The following TDRP variants were observed in gnomAD, a reference collection of about 807,000 sequenced individuals.
The protein encoded by TDRP is testis development related protein.
In TDRP, 12 loss-of-function variants were observed where a neutral mutation model predicts 10.5. The ratio of observed to expected loss-of-function variants is 1.15; its 90% CI spans 0.73 to 1.86. TDRP has a LOEUF of 1.86. TDRP is among the 40% of genes most tolerant of loss of function. The probability of loss-of-function intolerance (pLI) is 0.00; values close to 1 mark genes in which losing one functional copy is unlikely to be tolerated. For synonymous variants in TDRP, 139 were observed against 95.4 expected, an observed-to-expected ratio of 1.46 and a Z score of -2.67; for missense variants, 353 against 229.2, an observed-to-expected ratio of 1.54 and a Z score of -3.49.
intron 1 of TDRP, among the ~76,000 whole-genome samples, chr8:533,591 C>G (rs770214560): frequency 5.9e-5 from 9 of 152,190 alleles, no homozygotes; most frequent in Non-Finnish European, 8.8e-5. Flanking sequence ...CCCCCAACCC[C>G]TCCTCCTTAA....
At chr8:498,641 G>A (rs985055587) in intron 1 of TDRP, among the ~76,000 whole-genome samples, 1 of 152,100 alleles carries the variant, frequency 6.6e-6, no homozygotes, top group African/African-American at 2.4e-5. Flanking sequence ...GGGGATTGTT[G>A]GGAAGGCATG....
In TDRP at chr8:492,166, C is replaced by T; in HGVS notation, c.*233G>A. On this transcript the variant is annotated 3_prime_UTR_variant, in exon 3 of 3. Coordinates refer to ENST00000324079, the MANE Select transcript of TDRP (RefSeq NM_001384899.1). ...ATCTCCAGTTTCTGCAAAACATGGA[C>T]TGATAGGTGAATATTTCTGCAATAA... 3 of 1,256,188 alleles carry T rather than the reference C, an allele frequency of 2.4e-6. No homozygotes were observed. Among genetic ancestry groups the T allele is most frequent in the Non-Finnish European group, 3.0e-6 (3 of 1,003,124 alleles). The allele number at this position is 1,256,188 out of a possible 1,614,324, so 77.8% of individuals were successfully genotyped here. A position where few individuals can be genotyped will look rare whatever the true frequency, so the allele number is the denominator to read the frequency against.
intron 1 of TDRP, among the ~76,000 whole-genome samples, chr8:506,319 G>T (rs188199422): frequency 8.5e-5 from 13 of 152,282 alleles, no homozygotes; most frequent in Admixed American, 1.3e-4. Flanking sequence ...TCGGCAGCGG[G>T]GGGAGGGGAG....
chr8:500,908 T>C (rs1181474477), intron 1 of TDRP, among the ~76,000 whole-genome samples: 1 of 152,172 alleles, frequency 6.6e-6, no homozygotes, highest in Non-Finnish European at 1.5e-5. Flanking sequence ...GCAAGAGGGT[T>C]AACAAGAACA....
upstream of TDRP, among the ~76,000 whole-genome samples, chr8:545,225 G>A (rs1291196170): frequency 3.3e-5 from 3 of 89,580 alleles, no homozygotes; most frequent in Non-Finnish European, 6.5e-5. Flanking sequence ...AGGCTACCCC[G>A]TCACCTGGTC....
At chr8:502,723 G>C in intron 1 of TDRP, among the ~76,000 whole-genome samples, 1 of 151,420 alleles carries the variant, frequency 6.6e-6, no homozygotes, top group Non-Finnish European at 1.5e-5. Context: ...CATCAACACA[G>C]AATCCAGAGC....
At chr8:514,026 C>A (rs1224573783) in intron 1 of TDRP, among the ~76,000 whole-genome samples, 1 of 145,088 alleles carries the variant, frequency 6.9e-6, no homozygotes, top group African/African-American at 2.5e-5. Context: ...ACTCCCCAAA[C>A]TGATCTACAC....
At chr8:501,883 TG>T (rs1215463814) in intron 1 of TDRP, among the ~76,000 whole-genome samples, 1 of 152,122 alleles carries the variant, frequency 6.6e-6, no homozygotes, top group Non-Finnish European at 1.5e-5. Context: ...GAGGGGAACA[TG>T]GAAGGAGCTG....
At chr8:532,236 T>C (rs1802222111) in intron 1 of TDRP, among the ~76,000 whole-genome samples, 1 of 152,184 alleles carries the variant, frequency 6.6e-6, no homozygotes, top group Non-Finnish European at 1.5e-5. Context: ...TCTGCTCACA[T>C]GTGGTGGCCA....
At chr8:508,984 A>G (rs1563121337) in intron 1 of TDRP, among the ~76,000 whole-genome samples, 1 of 152,232 alleles carries the variant, frequency 6.6e-6, no homozygotes, top group Non-Finnish European at 1.5e-5. Context: ...TGCAGGTCCA[A>G]AATCCAGTGA....
intron 1 of TDRP, among the ~76,000 whole-genome samples, chr8:495,379 G>C (rs1331185316): frequency 6.6e-6 from 1 of 152,212 alleles, no homozygotes; most frequent in Non-Finnish European, 1.5e-5. Context: ...CATCTCCATG[G>C]AGACAGTGAC....
chr8:513,468 A>T (rs1801670346), intron 1 of TDRP, among the ~76,000 whole-genome samples: 1 of 152,224 alleles, frequency 6.6e-6, no homozygotes, highest in Non-Finnish European at 1.5e-5. Flanking sequence ...TCATGATAAA[A>T]ACATTCAACA....
intron 1 of TDRP, among the ~76,000 whole-genome samples, chr8:510,407 G>C (rs887014129): frequency 6.6e-6 from 1 of 152,012 alleles, no homozygotes; most frequent in Non-Finnish European, 1.5e-5. Flanking sequence ...CTCTGTGCCA[G>C]GAACCACAGA....
At chr8:531,038 T>C (rs1238662302) in intron 1 of TDRP, among the ~76,000 whole-genome samples, 2 of 152,116 alleles carry the variant, frequency 1.3e-5, no homozygotes, top group East Asian at 3.9e-4. Flanking sequence ...CAGAAACCAG[T>C]CCATCAGGTG....
In TDRP at chr8:529,101, G is replaced by T. The variant is rs1802113806; in HGVS notation, c.108+15549C>A. ...TATCCTGGCTGTGCCAGCAGCTGATGAGATGATGCCCACTCAGATTGGCGG... is the reference window on the plus strand; with the variant it reads ...TATCCTGGCTGTGCCAGCAGCTGATTAGATGATGCCCACTCAGATTGGCGG... On this transcript the variant is annotated intron_variant, in intron 1 of 2. Transcript: ENST00000324079. Among the ~76,000 whole-genome samples the T allele has an allele frequency of 2.6e-5, 4 of 152,236 alleles. No homozygotes were observed. In the South Asian group the frequency reaches 8.3e-4, roughly 32 times the overall value.
intron 1 of TDRP, among the ~76,000 whole-genome samples, chr8:532,599 C>G (rs1049809413): frequency 6.6e-6 from 1 of 152,226 alleles, no homozygotes; most frequent in Non-Finnish European, 1.5e-5. Context: ...CAAATGCACA[C>G]TTGCTAATAC....
At chr8:526,630 T>A (rs1307888818) in intron 1 of TDRP, among the ~76,000 whole-genome samples, 1 of 152,206 alleles carries the variant, frequency 6.6e-6, no homozygotes, top group East Asian at 1.9e-4. Context: ...AATTTTTACA[T>A]CTATGTTCAT....
rs139740254 is a variant in TDRP at position 515,234 on chromosome 8, A to G, written c.109-20637T>C. ...TCATTCTCAGTGTCTTTTCTGCTCT[A>G]TCTTTTCTATGACTTTGTAACTGCT... On this transcript the variant is annotated intron_variant, in intron 1 of 2. Coordinates refer to ENST00000324079, the MANE Select transcript of TDRP (RefSeq NM_001384899.1). Among the ~76,000 whole-genome samples, 581 of 152,292 alleles carry G rather than the reference A, an allele frequency of 3.8e-3. 2 individuals are homozygous for G. Among genetic ancestry groups the G allele is most frequent in the African/African-American group, 0.013 (542 of 41,568 alleles).
intron 1 of TDRP, among the ~76,000 whole-genome samples, chr8:536,638 A>C (rs1414249997): frequency 6.6e-6 from 1 of 152,248 alleles, no homozygotes; most frequent in East Asian, 1.9e-4. Flanking sequence ...AGGATCTCTA[A>C]CAAATTTTAT....
Sources: allele counts gnomAD v4.1 joint callset (sites outside exome capture counted in the v4.1 genomes callset), GRCh38; gene constraint gnomAD v4.1.1; transcripts MANE v1.5; gene names NCBI Gene and HGNC (gene_info 2026-07-23, HGNC 2026-07-21).